MIPOL1: variants seen among roughly 807,000 people sequenced by gnomAD.
MIPOL1 encodes the protein mirror-image polydactyly 1, also known as mirror-image polydactyly gene 1 protein.
In MIPOL1, 57 loss-of-function variants were observed where a neutral mutation model predicts 60.9. That is an observed-to-expected ratio of 0.94 (90% confidence interval 0.76 to 1.17). The LOEUF is 1.17. Ranked by LOEUF, MIPOL1 falls within the 50% of genes most tolerant of loss-of-function variation. The pLI, the probability that MIPOL1 is intolerant of heterozygous loss-of-function variation, is 0.00. For missense variants in MIPOL1, 551 were observed against 511.6 expected, an observed-to-expected ratio of 1.08 and a Z score of -0.74; for synonymous variants, 179 against 168.8, an observed-to-expected ratio of 1.06 and a Z score of -0.47.
chr14:37,353,257 C>G (rs1422768222), intron 9 of MIPOL1, among the ~76,000 whole-genome samples: 6 of 139,392 alleles, frequency 4.3e-5, no homozygotes, highest in Non-Finnish European at 7.7e-5. Flanking sequence ...GGATGAAGCC[C>G]ACTTGATCAT....
intron 1 of MIPOL1, among the ~76,000 whole-genome samples, chr14:37,218,230 G>T (rs1968092672): frequency 6.6e-6 from 1 of 151,754 alleles, no homozygotes; most frequent in African/African-American, 2.4e-5. Flanking sequence ...GCCCAGGCTG[G>T]AGTGCAGTGG....
chr14:37,327,830 C>A (rs2899858), intron 9 of MIPOL1, among the ~76,000 whole-genome samples: 147,479 of 152,236 alleles, frequency 0.97, 71,512 homozygotes, highest in East Asian at 1. Flanking sequence ...AGAAGAATAG[C>A]AAGTTGTGAT....
chr14:37,374,165 G>A (rs983455342), intron 10 of MIPOL1, among the ~76,000 whole-genome samples: 2 of 152,038 alleles, frequency 1.3e-5, no homozygotes, highest in African/African-American at 2.4e-5. Context: ...ATGTTTGTTG[G>A]CTGCATAAAT....
At chr14:37,311,764 T>C (rs2087349825) in intron 9 of MIPOL1, among the ~76,000 whole-genome samples, 1 of 152,188 alleles carries the variant, frequency 6.6e-6, no homozygotes, top group African/African-American at 2.4e-5. Flanking sequence ...ATCATTGTGA[T>C]ATGTTTGTTA....
Position 37,296,153 on chromosome 14 carries a change from C to G in MIPOL1, c.623+10706C>G, listed in dbSNP as rs1214194077. On this transcript the variant is annotated intron_variant, in intron 7 of 12. Transcript: ENST00000684589. ...CTAGAACTCAGGATTAAGAAACTCA[C>G]TCAAAACTGCTCAGCTACGTGGAAA... Among the ~76,000 whole-genome samples the G allele has an allele frequency of 2.6e-5, 4 of 152,196 alleles. No homozygotes were observed. In the East Asian group the frequency reaches 7.7e-4, roughly 29 times the overall value.
chr14:37,293,281 T>C (rs947132885), intron 7 of MIPOL1, among the ~76,000 whole-genome samples: 5 of 152,114 alleles, frequency 3.3e-5, no homozygotes, highest in Non-Finnish European at 5.9e-5. Context: ...GCCAAAATAA[T>C]CATCTTTGCA....
intron 11 of MIPOL1, among the ~76,000 whole-genome samples, chr14:37,449,667 G>T (rs2094389203): frequency 6.6e-6 from 1 of 152,080 alleles, no homozygotes; most frequent in South Asian, 2.1e-4. Context: ...CAAGACAAAA[G>T]AATCTTTAAA....
At chr14:37,279,296 AAAAG>A (rs1420369007) in intron 6 of MIPOL1, among the ~76,000 whole-genome samples, 6 of 150,560 alleles carry the variant, frequency 4.0e-5, no homozygotes, top group Non-Finnish European at 5.9e-5. Context: ...ACATTTAATA[AAAAG>A]AAAGAAGCAT....
intron 9 of MIPOL1, among the ~76,000 whole-genome samples, chr14:37,335,404 C>A (rs758660189): frequency 3.9e-5 from 6 of 152,086 alleles, no homozygotes; most frequent in Non-Finnish European, 8.8e-5. Context: ...AATAACTCCT[C>A]ATTCTACTCT....
chr14:37,321,005 G>A (rs894858479), intron 9 of MIPOL1, among the ~76,000 whole-genome samples: 1 of 151,968 alleles, frequency 6.6e-6, no homozygotes. Context: ...TAGCATTATA[G>A]TAAGTCTTAA....
At position 37,308,453 on chromosome 14, in the gene MIPOL1, TA is replaced by T; in HGVS notation, c.766del (p.Met256Ter). 1 of 1,604,646 alleles carries T rather than the reference TA, an allele frequency of 6.2e-7. No homozygotes were observed. The highest frequency in any genetic ancestry group is 8.5e-7 in the Non-Finnish European group (1 of 1,176,794). ...VDRIYKTKECKMRITAEEMSA... is the reference protein window; with the variant it reads ...VDRIYKTKECXMRITAEEMSA... The stretch of plus-strand genomic sequence containing the variant: ...ATAGAATCTACAAGACCAAGGAATG[TA>T]AAATGAGAATAACTGCAGAAGAAAT... On this transcript the variant is annotated frameshift_variant, in exon 9 of 13. Coordinates refer to ENST00000684589, the MANE Select transcript of MIPOL1 (RefSeq NM_001388067.1). LOFTEE classifies it high-confidence loss of function.
At chr14:37,429,384 C>T (rs1002150717) in intron 11 of MIPOL1, among the ~76,000 whole-genome samples, 1 of 151,998 alleles carries the variant, frequency 6.6e-6, no homozygotes, top group African/African-American at 2.4e-5. Flanking sequence ...ATTAACAAGT[C>T]AGTGTGTTTT....
intron 6 of MIPOL1, among the ~76,000 whole-genome samples, chr14:37,273,563 A>G (rs1314349832): frequency 6.6e-6 from 1 of 151,058 alleles, no homozygotes; most frequent in Non-Finnish European, 1.5e-5. Flanking sequence ...ATCTATATAT[A>G]TATTAGTCCA....
At chr14:37,315,883 G>A (rs2087820240) in intron 9 of MIPOL1, among the ~76,000 whole-genome samples, 2 of 152,112 alleles carry the variant, frequency 1.3e-5, no homozygotes, top group African/African-American at 4.8e-5. Flanking sequence ...GTTGTGTGGT[G>A]TGTCAACATT....
chr14:37,297,884 G>C (rs1471650974), intron 7 of MIPOL1, among the ~76,000 whole-genome samples: 1 of 152,040 alleles, frequency 6.6e-6, no homozygotes, highest in Non-Finnish European at 1.5e-5. Flanking sequence ...TACTGCCCAA[G>C]GTAATTTATA....
At chr14:37,204,195 T>C (rs1276677249) in intron 1 of MIPOL1, among the ~76,000 whole-genome samples, 1 of 152,112 alleles carries the variant, frequency 6.6e-6, no homozygotes, top group East Asian at 1.9e-4. Flanking sequence ...TTCCAGCCTT[T>C]TGAGAGACCC....
At chr14:37,276,846 A>G (rs887088100) in intron 6 of MIPOL1, 1 of 151,246 alleles carries the variant, frequency 6.6e-6, no homozygotes, top group Non-Finnish European at 1.5e-5. Context: ...AGATAAGAAC[A>G]TGAAGGCCCA....
chr14:37,405,092 A>G (rs74733213), intron 10 of MIPOL1, among the ~76,000 whole-genome samples: 242 of 152,032 alleles, frequency 1.6e-3, no homozygotes, highest in Non-Finnish European at 2.9e-3. Flanking sequence ...ACTTTTTTAG[A>G]TCTTTGTTGG....
chr14:37,327,676 G>C (rs1214928538), intron 9 of MIPOL1, among the ~76,000 whole-genome samples: 1 of 152,112 alleles, frequency 6.6e-6, no homozygotes, highest in Non-Finnish European at 1.5e-5. Context: ...AAGTTGACAG[G>C]GTCTCTAGTG....
Sources: allele counts gnomAD v4.1 joint callset (sites outside exome capture counted in the v4.1 genomes callset), GRCh38; gene constraint gnomAD v4.1.1; transcripts MANE v1.5; gene names NCBI Gene and HGNC (gene_info 2026-07-23, HGNC 2026-07-21).